The following KCNH1 variants were observed in gnomAD, a reference collection of about 807,000 sequenced individuals.
KCNH1 encodes the protein voltage-gated delayed rectifier potassium channel KCNH1.
A neutral mutation model predicts 69.2 loss-of-function variants in KCNH1; 27 were observed. That is an observed-to-expected ratio of 0.39 (90% CI 0.29 to 0.54). The LOEUF (loss-of-function observed/expected upper bound fraction) is 0.54, where lower values mean the gene tolerates loss of function less well. KCNH1 is among the 20% of genes least tolerant of loss of function. The probability of loss-of-function intolerance (pLI) is 0.68; values close to 1 mark genes in which losing one functional copy is unlikely to be tolerated. For synonymous variants in KCNH1, 456 were observed against 487.7 expected, an observed-to-expected ratio of 0.93 and a Z score of 0.86; for missense variants, 798 against 1,261.6, an observed-to-expected ratio of 0.63 and a Z score of 5.57.
chr1:210,718,511 A>G lies in KCNH1; in HGVS notation c.2113-34373T>C, dbSNP rs867163206. Among the ~76,000 whole-genome samples, 5 of 80,010 alleles carry G rather than the reference A, an allele frequency of 6.2e-5. 1 individual carries two copies. Among genetic ancestry groups the G allele is most frequent in the African/African-American group, 9.0e-5 (2 of 22,342 alleles). The allele number at this position is 80,010 out of a possible 152,430, so 52.5% of individuals were successfully genotyped here. A position where few individuals can be genotyped will look rare whatever the true frequency, so the allele number is the denominator to read the frequency against. Reference sequence around the variant, plus strand: ...ATATATGTATATATATAAAATATATACATATATGTATATATATAAAATATA... The same window carrying G: ...ATATATGTATATATATAAAATATATGCATATATGTATATATATAAAATATA... On this transcript the variant is annotated intron_variant, in intron 10 of 10. Coordinates refer to ENST00000271751, the MANE Select transcript of KCNH1 (RefSeq NM_172362.3).
intron 10 of KCNH1, among the ~76,000 whole-genome samples, chr1:210,751,958 G>C (rs1574233847): frequency 6.6e-6 from 1 of 152,088 alleles, no homozygotes. Context: ...ACTGAGGAAG[G>C]CTGCAAGCAG....
chr1:211,079,255 A>G (rs1241794377), intron 5 of KCNH1, among the ~76,000 whole-genome samples: 1 of 152,208 alleles, frequency 6.6e-6, no homozygotes, highest in African/African-American at 2.4e-5. Flanking sequence ...TGCCCTCCCA[A>G]GACTAAACCA....
chr1:211,079,266 G>A (rs1690803391), intron 5 of KCNH1, among the ~76,000 whole-genome samples: 2 of 152,164 alleles, frequency 1.3e-5, no homozygotes, highest in African/African-American at 4.8e-5. Flanking sequence ...GACTAAACCA[G>A]GAAGAAGGGG....
intron 7 of KCNH1, among the ~76,000 whole-genome samples, chr1:210,863,861 C>T (rs943714212): frequency 1.3e-5 from 2 of 152,186 alleles, no homozygotes; most frequent in East Asian, 3.9e-4. Context: ...TACTCTTGAA[C>T]TCTGTCAACC....
chr1:210,941,035 AC>A (rs1687866848), intron 6 of KCNH1, among the ~76,000 whole-genome samples: 1 of 152,206 alleles, frequency 6.6e-6, no homozygotes. Context: ...CATGTTTGGC[AC>A]TGGGCCTGAG....
At position 211,074,442 on chromosome 1, in the gene KCNH1, A is replaced by G. The variant is rs72759532; in HGVS notation, c.558+8338T>C. Among the ~76,000 whole-genome samples the G allele has an allele frequency of 8.7e-3, 1,317 of 152,252 alleles. 5 individuals are homozygous for G. The highest frequency in any genetic ancestry group is 0.014 in the Middle Eastern group (4 of 294). ...AAATGAACATCACCAATGACTTTGCATCCTCTTTTGGGGAAAAGGCTGGCA... is the reference window on the plus strand; with the variant it reads ...AAATGAACATCACCAATGACTTTGCGTCCTCTTTTGGGGAAAAGGCTGGCA... On this transcript the variant is annotated intron_variant, in intron 5 of 10. Coordinates refer to ENST00000271751, the MANE Select transcript of KCNH1 (RefSeq NM_172362.3).
chr1:210,861,904 G>A (rs1276856006), intron 7 of KCNH1: 5 of 767,636 alleles, frequency 6.5e-6, no homozygotes, highest in East Asian at 4.9e-5. Flanking sequence ...GTCCACAATG[G>A]CAGTCCAGCA....
intron 10 of KCNH1, among the ~76,000 whole-genome samples, chr1:210,708,366 G>A (rs570775196): frequency 3.3e-5 from 5 of 152,034 alleles, no homozygotes; most frequent in South Asian, 4.2e-4. Context: ...GTGTACAACC[G>A]TTTTCTGAAC....
rs149196302 is a variant in KCNH1, at chr1:210,756,298, G to A, written c.2112+19050C>T. ...ATGCAGTATCACTTTACCAATAGGG[G>A]GTGTCCAGTGTATAATGTGCTCCAT... On this transcript the variant is annotated intron_variant, in intron 10 of 10. Transcript: ENST00000271751. Among the ~76,000 whole-genome samples, 13 of 152,202 alleles carry A rather than the reference G, an allele frequency of 8.5e-5. No individual in the cohort carries two copies. In the East Asian group the frequency reaches 2.5e-3, roughly 29 times the overall value.
chr1:210,890,835 A>G (rs1305844113), intron 7 of KCNH1, among the ~76,000 whole-genome samples: 4 of 152,242 alleles, frequency 2.6e-5, no homozygotes, highest in African/African-American at 9.6e-5. Flanking sequence ...TCAAAACCAC[A>G]ATGAGATACC....
At chr1:210,684,635 TC>T (rs1018780347) in intron 10 of KCNH1, among the ~76,000 whole-genome samples, 3 of 152,114 alleles carry the variant, frequency 2.0e-5, no homozygotes, top group Admixed American at 2.0e-4. Flanking sequence ...GGCAAGAAAG[TC>T]CCCAGGCAAG....
intron 6 of KCNH1, among the ~76,000 whole-genome samples, chr1:210,982,290 G>T (rs1237016524): frequency 6.6e-6 from 1 of 151,132 alleles, no homozygotes; most frequent in Non-Finnish European, 1.5e-5. Context: ...AAACTTTAGG[G>T]TAAAGTTTTA....
At chr1:210,746,174 C>CT (rs1327282791) in intron 10 of KCNH1, among the ~76,000 whole-genome samples, 1 of 152,128 alleles carries the variant, frequency 6.6e-6, no homozygotes, top group Non-Finnish European at 1.5e-5. Flanking sequence ...GGGCACCCTT[C>CT]TTTTTTCCCT....
rs565152605 is a variant in KCNH1 at position 210,900,569 on chromosome 1, G to A, written c.1462+19071C>T. Among the ~76,000 whole-genome samples the A allele has an allele frequency of 1.5e-4, 23 of 152,324 alleles. 1 individual carries two copies. In the South Asian group the frequency reaches 4.3e-3, roughly 29 times the overall value. On this transcript the variant is annotated intron_variant, in intron 7 of 10. Transcript: ENST00000271751. ...TTTCTGGAACAGAACTCTGGGCATA[G>A]GCAGGGAAAATAACTAGACCAGTGG...
At chr1:210,860,999 C>A (rs1685966607) in intron 7 of KCNH1, 3 of 1,059,384 alleles carry the variant, frequency 2.8e-6, no homozygotes. Flanking sequence ...ATCTTTTTTT[C>A]AAAGGTCAGC....
intron 8 of KCNH1, 113 bp from the exon 9 acceptor site, chr1:210,797,873 T>C (rs1684350341): frequency 2.5e-6 from 3 of 1,204,840 alleles, no homozygotes; most frequent in South Asian, 3.0e-5. Context: ...TGCACTCTTC[T>C]AACCAAAGTC....
chr1:210,944,733 T>C (rs1687928321), intron 6 of KCNH1, among the ~76,000 whole-genome samples: 1 of 152,254 alleles, frequency 6.6e-6, no homozygotes, highest in South Asian at 2.1e-4. Context: ...AACAGGCTAC[T>C]GTATTTTTTT....
intron 7 of KCNH1, among the ~76,000 whole-genome samples, chr1:210,877,827 A>C (rs972305051): frequency 6.6e-6 from 1 of 152,182 alleles, no homozygotes; most frequent in Non-Finnish European, 1.5e-5. Context: ...TTGCATTTCC[A>C]GCATGATACC....
chr1:210,732,316 C>A (rs1016058425), intron 10 of KCNH1, among the ~76,000 whole-genome samples: 1 of 152,038 alleles, frequency 6.6e-6, no homozygotes, highest in African/African-American at 2.4e-5. Context: ...ACGGTGAGAT[C>A]ATGAGCAAAA....
Sources: allele counts gnomAD v4.1 joint callset (sites outside exome capture counted in the v4.1 genomes callset), GRCh38; gene constraint gnomAD v4.1.1; transcripts MANE v1.5; gene names NCBI Gene and HGNC (gene_info 2026-07-23, HGNC 2026-07-21).